Variants in SYNPO2 observed in about 807,000 individuals in gnomAD.
The protein encoded by SYNPO2 is synaptopodin 2, also known as synaptopodin-2.
A neutral mutation model predicts 85.0 loss-of-function variants in SYNPO2; 56 were observed. That is an observed-to-expected ratio of 0.66 (90% CI 0.53 to 0.82). The LOEUF is 0.82. Ranked by LOEUF, SYNPO2 falls within the 40% of genes least tolerant of loss-of-function variation. SYNPO2 has a pLI of 0.00. For missense variants in SYNPO2, 1,575 were observed against 1,534.2 expected (o/e 1.03, Z -0.44); for synonymous variants, 602 against 591.1 (o/e 1.02, Z -0.27).
intron 1 of SYNPO2, among the ~76,000 whole-genome samples, chr4:118,903,410 A>G (rs918175479): frequency 6.6e-6 from 1 of 152,164 alleles, no homozygotes; most frequent in Non-Finnish European, 1.5e-5. Context: ...AGGAGGAAGT[A>G]ACTGTCTTCT....
At chr4:118,996,246 G>A (rs1337612795) in intron 1 of SYNPO2, among the ~76,000 whole-genome samples, 2 of 152,002 alleles carry the variant, frequency 1.3e-5, no homozygotes, top group Non-Finnish European at 2.9e-5. Flanking sequence ...CCCCTTTCTG[G>A]TTGCAGTGAC....
intron 1 of SYNPO2, among the ~76,000 whole-genome samples, chr4:118,969,921 T>C (rs573707650): frequency 8.5e-5 from 13 of 152,146 alleles, no homozygotes; most frequent in Non-Finnish European, 1.6e-4. Flanking sequence ...TGTTCTATTG[T>C]TTGCATTTAA....
At chr4:118,982,689 G>A (rs1292201006) in intron 1 of SYNPO2, among the ~76,000 whole-genome samples, 4 of 152,144 alleles carry the variant, frequency 2.6e-5, no homozygotes, top group South Asian at 2.1e-4. Flanking sequence ...GTATGCTAGA[G>A]ATATTTAAGT....
chr4:118,990,702 G>A (rs1387010247), intron 1 of SYNPO2, among the ~76,000 whole-genome samples: 2 of 152,112 alleles, frequency 1.3e-5, no homozygotes, highest in Non-Finnish European at 2.9e-5. Flanking sequence ...TCTGCCTCCC[G>A]GGTTCAAGCG....
rs550459901 is a variant in SYNPO2, at chr4:118,929,485, TA to T, written c.105+40352del. On this transcript the variant is annotated intron_variant, in intron 1 of 4. Transcript: ENST00000307142. The stretch of plus-strand genomic sequence containing the variant: ...TTTTGACTATTTATTTAGAAAAAAA[TA>T]AAAAAAATTTTGCTACATTTTCCTA... Among the ~76,000 whole-genome samples the T allele has an allele frequency of 6.1e-3, 920 of 152,026 alleles. 9 individuals are homozygous for T. The highest frequency in any genetic ancestry group is 0.019 in the African/African-American group (805 of 41,502).
At chr4:118,971,280 C>T (rs1273689243) in intron 1 of SYNPO2, among the ~76,000 whole-genome samples, 1 of 152,132 alleles carries the variant, frequency 6.6e-6, no homozygotes, top group Non-Finnish European at 1.5e-5. Context: ...AAAGCGAACC[C>T]ATGACTCTTA....
chr4:119,037,046 C>A, intron 4 of SYNPO2: 1 of 1,444,770 alleles, frequency 6.9e-7, no homozygotes, highest in Non-Finnish European at 9.1e-7. Flanking sequence ...TGTAAAGCTC[C>A]TTGTGTTTAC....
At chr4:118,868,523 G>A (rs1731743351) in intron 1 of SYNPO2, among the ~76,000 whole-genome samples, 2 of 152,148 alleles carry the variant, frequency 1.3e-5, no homozygotes. Flanking sequence ...TTTAAAAAGA[G>A]AAAGGATTTT....
chr4:118,923,174 A>T (rs1162153044), intron 1 of SYNPO2, among the ~76,000 whole-genome samples: 1 of 152,198 alleles, frequency 6.6e-6, no homozygotes, highest in African/African-American at 2.4e-5. Context: ...TTGGAAAAAG[A>T]AAATGTGGTA....
intron 1 of SYNPO2, among the ~76,000 whole-genome samples, chr4:118,880,917 C>T (rs1732077440): frequency 6.6e-6 from 1 of 151,856 alleles, no homozygotes; most frequent in African/African-American, 2.4e-5. Flanking sequence ...CAGAACATGA[C>T]TGTGTTTGTG....
At chr4:118,983,818 A>C (rs924205091) in intron 1 of SYNPO2, among the ~76,000 whole-genome samples, 4 of 152,060 alleles carry the variant, frequency 2.6e-5, no homozygotes, top group African/African-American at 9.7e-5. Flanking sequence ...TGTCATTTCC[A>C]CATCTATGTC....
At position 118,889,904 on chromosome 4, in the gene SYNPO2, C is replaced by T. The variant is rs1039353225; in HGVS notation, c.105+763C>T. ...TTAGCCCAAGGGGATCTGGTATTCT[C>T]TAATTGGCATTCAGCTAAAATAAAA... On this transcript the variant is annotated intron_variant, in intron 1 of 4. Transcript: ENST00000307142. Among the ~76,000 whole-genome samples the T allele has an allele frequency of 5.3e-5, 8 of 152,194 alleles. 1 individual carries two copies. Among genetic ancestry groups the T allele is most frequent in the East Asian group, 3.9e-4 (2 of 5,190 alleles).
chr4:118,926,791 A>G (rs1480266269), intron 1 of SYNPO2, among the ~76,000 whole-genome samples: 1 of 152,172 alleles, frequency 6.6e-6, no homozygotes, highest in Non-Finnish European at 1.5e-5. Flanking sequence ...ATTATAGTCA[A>G]ATAGGCTTTT....
intron 1 of SYNPO2, among the ~76,000 whole-genome samples, chr4:118,967,893 G>A (rs1281903363): frequency 3.3e-5 from 5 of 150,006 alleles, no homozygotes; most frequent in Non-Finnish European, 7.4e-5. Flanking sequence ...TTAAAACATG[G>A]ACCTATCCAT....
intron 3 of SYNPO2, among the ~76,000 whole-genome samples, chr4:119,029,278 TG>T (rs1363602664): frequency 6.6e-6 from 1 of 152,070 alleles, no homozygotes; most frequent in Non-Finnish European, 1.5e-5. Flanking sequence ...TGGAAAGATT[TG>T]GGGTGGTTGT....
intron 1 of SYNPO2, among the ~76,000 whole-genome samples, chr4:118,852,870 T>G (rs1291446485): frequency 1.3e-5 from 2 of 152,204 alleles, no homozygotes; most frequent in African/African-American, 4.8e-5. Flanking sequence ...AACTTAAAAG[T>G]TAAATTTAAA....
chr4:119,052,441 A>G (rs946202619), intron 4 of SYNPO2, among the ~76,000 whole-genome samples: 2 of 152,238 alleles, frequency 1.3e-5, no homozygotes, highest in Admixed American at 1.3e-4. Flanking sequence ...GAATCTTTCA[A>G]TATCCCATAA....
intron 1 of SYNPO2, among the ~76,000 whole-genome samples, chr4:118,924,390 G>A (rs187002193): frequency 1.6e-3 from 250 of 152,278 alleles, no homozygotes; most frequent in Non-Finnish European, 3.1e-3. Flanking sequence ...TATCATTAGA[G>A]ATGAACAGAA....
chr4:118,880,292 C>G (rs919689980), intron 1 of SYNPO2, among the ~76,000 whole-genome samples: 1 of 152,080 alleles, frequency 6.6e-6, no homozygotes, highest in African/African-American at 2.4e-5. Flanking sequence ...GTATGCTGTG[C>G]ATTCTTGTTA....
Sources: gnomAD v4.1 joint callset for allele counts (sites outside exome capture counted in the v4.1 genomes callset) on GRCh38, gnomAD v4.1.1 for gene constraint, MANE v1.5 for transcripts, NCBI Gene and HGNC (gene_info 2026-07-23, HGNC 2026-07-21) for gene names.